The following ZC3H12B variants were observed in gnomAD, a reference collection of about 807,000 sequenced individuals.
The protein encoded by ZC3H12B is probable ribonuclease ZC3H12B.
A neutral mutation model predicts 43.9 loss-of-function variants in ZC3H12B; 7 were observed. That is an observed-to-expected ratio of 0.16 (90% CI 0.09 to 0.30). The LOEUF is 0.30. Among genes scored for constraint, ZC3H12B ranks in the 10% least tolerant of loss-of-function variants. The pLI is 1.00. For synonymous variants in ZC3H12B, 222 were observed against 241.7 expected, an observed-to-expected ratio of 0.92 and a Z score of 0.76; for missense variants, 475 against 670.2, an observed-to-expected ratio of 0.71 and a Z score of 3.22.
the ZC3H12B span, among the ~76,000 whole-genome samples, chrX:65,312,609 A>C: frequency 8.9e-6 from 1 of 111,751 alleles, no homozygotes; most frequent in African/African-American, 3.3e-5. Context: ...AAATACCATA[A>C]ACTAGGTAGT....
At chrX:65,133,751 G>T in the ZC3H12B span, among the ~76,000 whole-genome samples, 1 of 110,183 alleles carries the variant, frequency 9.1e-6, no homozygotes, top group Admixed American at 9.7e-5. Context: ...TGGTCAGATT[G>T]GTCTGTAGAA....
the ZC3H12B span, among the ~76,000 whole-genome samples, chrX:65,154,111 A>G: frequency 9.0e-6 from 1 of 111,497 alleles, no homozygotes; most frequent in Admixed American, 9.5e-5. Flanking sequence ...GGATAACATT[A>G]GGAGATATAC....
chrX:65,202,008 CAATT>C, the ZC3H12B span, among the ~76,000 whole-genome samples: 1 of 94,679 alleles, frequency 1.1e-5, no homozygotes, highest in Non-Finnish European at 2.0e-5. Flanking sequence ...AACTCTGAGT[CAATT>C]AAACCTCTTT....
chrX:65,116,868 A>C, the ZC3H12B span, among the ~76,000 whole-genome samples: 1 of 111,482 alleles, frequency 9.0e-6, no homozygotes, highest in African/African-American at 3.3e-5. Context: ...AGCTTCATCC[A>C]TGTCTCTGCA....
At chrX:65,035,818 G>A in the ZC3H12B span, among the ~76,000 whole-genome samples, 1 of 111,818 alleles carries the variant, frequency 8.9e-6, no homozygotes, top group Non-Finnish European at 1.9e-5. Context: ...TAGGAAGATA[G>A]TACTTATATT....
the ZC3H12B span, among the ~76,000 whole-genome samples, chrX:65,258,411 C>T: frequency 8.9e-6 from 1 of 111,784 alleles, no homozygotes; most frequent in African/African-American, 3.2e-5. Context: ...ATTAAAGGAA[C>T]ATACTTCTAA....
At chrX:65,327,070 C>A in the ZC3H12B span, among the ~76,000 whole-genome samples, 1 of 111,074 alleles carries the variant, frequency 9.0e-6, no homozygotes, top group Non-Finnish European at 1.9e-5. Context: ...TGTGGAGACT[C>A]CTCAAGAAGC....
the ZC3H12B span, among the ~76,000 whole-genome samples, chrX:65,194,484 C>T: frequency 1.8e-5 from 2 of 111,550 alleles, no homozygotes; most frequent in South Asian, 7.4e-4. Flanking sequence ...TGCATAGTTT[C>T]CAAACTCTTC....
At chrX:65,196,806 G>C in the ZC3H12B span, among the ~76,000 whole-genome samples, 1 of 111,341 alleles carries the variant, frequency 9.0e-6, no homozygotes, top group African/African-American at 3.3e-5. Context: ...AAATAACAAA[G>C]AGGAAACGGA....
At chrX:65,115,689 C>A in the ZC3H12B span, among the ~76,000 whole-genome samples, 3 of 111,365 alleles carry the variant, frequency 2.7e-5, no homozygotes, top group Non-Finnish European at 3.8e-5. Flanking sequence ...TAAAAGCCTT[C>A]CCTTTTCACT....
chrX:65,336,716 C>T, the ZC3H12B span, among the ~76,000 whole-genome samples: 1 of 111,659 alleles, frequency 9.0e-6, no homozygotes, highest in South Asian at 3.8e-4. Context: ...CTCAGGGAGG[C>T]CAGAGAAAGG....
the ZC3H12B span, among the ~76,000 whole-genome samples, chrX:65,257,098 A>T: frequency 8.9e-6 from 1 of 112,265 alleles, no homozygotes; most frequent in Admixed American, 9.4e-5. Context: ...CCATCCCATT[A>T]CTGGGTATAT....
chrX:65,454,024 C>A (rs946748562), intron 3 of ZC3H12B, among the ~76,000 whole-genome samples: 2 of 111,669 alleles, frequency 1.8e-5, no homozygotes, highest in Non-Finnish European at 1.9e-5. Flanking sequence ...CCAAGATGGC[C>A]GAATAGGAAC....
chrX:65,126,820 A>AAGTGTGT, the ZC3H12B span, among the ~76,000 whole-genome samples: 4 of 106,987 alleles, frequency 3.7e-5, no homozygotes, highest in East Asian at 1.2e-3. Context: ...TATTTAATCA[A>AAGTGTGT]AGTGTGTCCT....
At chrX:65,124,313 C>T in the ZC3H12B span, among the ~76,000 whole-genome samples, 1 of 110,978 alleles carries the variant, frequency 9.0e-6, no homozygotes, top group East Asian at 2.8e-4. Context: ...ATATGTTAAA[C>T]CATCTCTGCA....
At chrX:65,193,245 C>A in the ZC3H12B span, among the ~76,000 whole-genome samples, 2 of 109,985 alleles carry the variant, frequency 1.8e-5, no homozygotes, top group Non-Finnish European at 3.8e-5. Flanking sequence ...GACATTAGTT[C>A]TTTAAATGTT....
At chrX:65,046,970 G>A in the ZC3H12B span, among the ~76,000 whole-genome samples, 1 of 110,980 alleles carries the variant, frequency 9.0e-6, no homozygotes, top group Non-Finnish European at 1.9e-5. Flanking sequence ...GATTATGTTT[G>A]CCATCTTCTA....
chrX:65,066,620 A>G, the ZC3H12B span, among the ~76,000 whole-genome samples: 1 of 112,055 alleles, frequency 8.9e-6, no homozygotes, highest in African/African-American at 3.3e-5. Flanking sequence ...CATGGGGGTC[A>G]GTGATCCACT....
chrX:65,128,124 A>G, the ZC3H12B span, among the ~76,000 whole-genome samples: 1 of 112,190 alleles, frequency 8.9e-6, no homozygotes, highest in Non-Finnish European at 1.9e-5. Flanking sequence ...TGCTTTGTCT[A>G]TCCAAGTAGG....
Sources: allele counts gnomAD v4.1 joint callset (sites outside exome capture counted in the v4.1 genomes callset), GRCh38; gene constraint gnomAD v4.1.1; transcripts MANE v1.5; gene names NCBI Gene and HGNC (gene_info 2026-07-23, HGNC 2026-07-21).